DLGAP4: variants seen among roughly 807,000 people sequenced by gnomAD.
DLGAP4 encodes the protein DLG associated protein 4.
A neutral mutation model predicts 86.9 loss-of-function variants in DLGAP4; 18 were observed. The observed-to-expected ratio is 0.21, with a 90% confidence interval of 0.14 to 0.31. The LOEUF (loss-of-function observed/expected upper bound fraction) is 0.31, where lower values mean the gene tolerates loss of function less well. DLGAP4 is among the 10% of genes least tolerant of loss of function. The probability of loss-of-function intolerance (pLI) is 1.00; values close to 1 mark genes in which losing one functional copy is unlikely to be tolerated. For synonymous variants in DLGAP4, 548 were observed against 574.3 expected (o/e 0.95, Z 0.65); for missense variants, 1,085 against 1,362.6 (o/e 0.80, Z 3.21).
intron 2 of DLGAP4, among the ~76,000 whole-genome samples, chr20:36,427,109 G>A (rs545379622): frequency 6.6e-6 from 1 of 152,200 alleles, no homozygotes; most frequent in East Asian, 1.9e-4. Context: ...TTTGAGCCCA[G>A]GAGATCAAAG....
intron 2 of DLGAP4, among the ~76,000 whole-genome samples, chr20:36,396,227 GA>G (rs1268509795): frequency 6.6e-6 from 1 of 151,768 alleles, no homozygotes; most frequent in African/African-American, 2.4e-5. Flanking sequence ...GAAGTGCAGT[GA>G]GTGGGGTTAC....
At chr20:36,452,600 C>T (rs1158594837) in intron 7 of DLGAP4, among the ~76,000 whole-genome samples, 1 of 151,638 alleles carries the variant, frequency 6.6e-6, no homozygotes, top group Non-Finnish European at 1.5e-5. Flanking sequence ...ATCTCCACTT[C>T]CTGAGTTCAA....
Position 36,374,028 on chromosome 20 carries a change from G to A in DLGAP4, c.-73+6753G>A, listed in dbSNP as rs1315793093. On this transcript the variant is annotated intron_variant, in intron 2 of 12. Coordinates refer to ENST00000339266, the MANE Select transcript of DLGAP4 (RefSeq NM_001365621.2). ...CTCCAGCCTGGGTGACAGTGAGACTGTCTCAAAAAAAAAAAAAAAAAGAAA... is the reference window on the plus strand; with the variant it reads ...CTCCAGCCTGGGTGACAGTGAGACTATCTCAAAAAAAAAAAAAAAAAGAAA... 6.4e-5 allele frequency among the ~76,000 whole-genome samples: 5 copies of A among 78,050 alleles called. No individual in the cohort carries two copies. In the South Asian group the frequency reaches 3.1e-3, roughly 48 times the overall value. 51.2% of individuals were successfully genotyped at this position (78,050 alleles called of 152,430 possible). A position where few individuals can be genotyped will look rare whatever the true frequency, so the allele number is the denominator to read the frequency against.
chr20:36,513,421 G>A (rs966008551), intron 10 of DLGAP4, among the ~76,000 whole-genome samples: 14 of 150,628 alleles, frequency 9.3e-5, no homozygotes, highest in African/African-American at 1.5e-4. Flanking sequence ...GGTGGCGGGC[G>A]CCTGTAGTCC....
In DLGAP4 at chr20:36,500,658, C is replaced by T; in HGVS notation, c.2512+47C>T. ...CTTGGGCAAGGGTAGAAGGTGTTGG[C>T]AGCTGGTTTCAGCTGGTGGCCAGCA... On this transcript the variant is annotated intron_variant, in intron 10 of 12. Coordinates refer to ENST00000339266, the MANE Select transcript of DLGAP4 (RefSeq NM_001365621.2). This position sits in a 1 kb window ranked among gnomAD's most constrained non-coding sequence, Gnocchi z 4.6. The T allele has an allele frequency of 2.9e-6, 4 of 1,389,194 alleles. No homozygotes were observed. Among genetic ancestry groups the T allele is most frequent in the Non-Finnish European group, 3.7e-6 (4 of 1,066,678 alleles). The allele number at this position is 1,389,194 out of a possible 1,614,324, so 86.1% of individuals were successfully genotyped here.
Position 36,497,003 on chromosome 20 carries a change from G to C in DLGAP4, c.1947G>C (p.Leu649=), listed in dbSNP as rs749995044. The C allele has an allele frequency of 2.5e-6, 4 of 1,613,980 alleles. No individual in the cohort carries two copies. In the Admixed American group the frequency reaches 6.7e-5, roughly 27 times the overall value. Residue 649 remains leucine (L), a synonymous_variant, in exon 8 of 13, where the codon CTG becomes CTC. Coordinates refer to ENST00000339266, the MANE Select transcript of DLGAP4 (RefSeq NM_001365621.2). ...CTCTGAAAAGTGAACAAGGGACGCTGACCAGCTCTGAGTCCCACCCCGAGG... is the reference window on the plus strand; with the variant it reads ...CTCTGAAAAGTGAACAAGGGACGCTCACCAGCTCTGAGTCCCACCCCGAGG... ...HAALKSEQGT[L]TSSESHPEAA...
chr20:36,315,667 C>T (rs2065092525), intron 1 of DLGAP4, among the ~76,000 whole-genome samples: 1 of 152,092 alleles, frequency 6.6e-6, no homozygotes. Flanking sequence ...AAGAGTGGGG[C>T]TGGGCCTCCC....
intron 2 of DLGAP4, among the ~76,000 whole-genome samples, chr20:36,427,804 G>C (rs569534464): frequency 6.6e-6 from 1 of 152,022 alleles, no homozygotes; most frequent in East Asian, 1.9e-4. Flanking sequence ...TTAGCTGGGC[G>C]TGGTGGTGCG....
intron 7 of DLGAP4, chr20:36,461,821 G>T (rs937699856): frequency 2.1e-6 from 2 of 970,558 alleles, no homozygotes; most frequent in African/African-American, 1.9e-5. Context: ...TCCCCGCTCC[G>T]CCCGCTTTGT....
intron 8 of DLGAP4, chr20:36,497,354 TTGCC>T: frequency 7.8e-7 from 1 of 1,275,004 alleles, no homozygotes; most frequent in African/African-American, 1.5e-5. Flanking sequence ...TGTCCACTGT[TTGCC>T]TGTCCACTGT....
At chr20:36,481,935 T>C (rs2035204375) in intron 7 of DLGAP4, among the ~76,000 whole-genome samples, 1 of 152,154 alleles carries the variant, frequency 6.6e-6, no homozygotes, top group Non-Finnish European at 1.5e-5. Context: ...TCTTGTGTAA[T>C]TGTCTTACTT....
intron 10 of DLGAP4, among the ~76,000 whole-genome samples, chr20:36,514,839 A>G (rs1190220231): frequency 1.3e-5 from 2 of 152,134 alleles, no homozygotes; most frequent in African/African-American, 4.8e-5. Context: ...TCCTTAGGTG[A>G]GAAGGAATCG....
intron 1 of DLGAP4, among the ~76,000 whole-genome samples, chr20:36,349,375 G>A (rs1317705169): frequency 1.3e-5 from 2 of 149,224 alleles, no homozygotes; most frequent in Non-Finnish European, 3.0e-5. Flanking sequence ...CCGAGATCAC[G>A]CCACTGCACT....
At position 36,431,730 on chromosome 20, in the gene DLGAP4, G is replaced by A. The variant is rs779644254; in HGVS notation, c.13G>A (p.Gly5Ser). 25 of 1,596,324 alleles carry A rather than the reference G, an allele frequency of 1.6e-5. No homozygotes were observed. The highest frequency in any genetic ancestry group is 3.3e-4 in the Middle Eastern group (2 of 6,006). MKGL[G>S]DSRPRHLSDS... ...TCGGCCCGGGATCATGAAAGGCCTC[G>A]GTGACAGCCGCCCCCGCCACCTCTC... Residue 5 changes from glycine to serine, a missense_variant, in exon 3 of 13, where the codon GGT becomes AGT. By Grantham distance (56) the Gly-to-Ser change is moderately conservative. Coordinates refer to ENST00000339266, the MANE Select transcript of DLGAP4 (RefSeq NM_001365621.2). The surrounding 1 kb of genome is among the most constrained non-coding windows in gnomAD (Gnocchi z 5.1).
At chr20:36,340,415 G>A (rs1052952025) in intron 1 of DLGAP4, among the ~76,000 whole-genome samples, 4 of 152,208 alleles carry the variant, frequency 2.6e-5, no homozygotes, top group Non-Finnish European at 5.9e-5. Context: ...ACCCGTGCAC[G>A]GGTCTCCAGT....
intron 1 of DLGAP4, among the ~76,000 whole-genome samples, chr20:36,349,845 T>C (rs1458083400): frequency 6.6e-6 from 1 of 152,124 alleles, no homozygotes; most frequent in Non-Finnish European, 1.5e-5. Context: ...ATAATAGCTA[T>C]TTATTGGGAA....
intron 10 of DLGAP4, among the ~76,000 whole-genome samples, chr20:36,518,865 C>A (rs1450283646): frequency 1.3e-5 from 2 of 152,044 alleles, no homozygotes; most frequent in Non-Finnish European, 2.9e-5. Context: ...TGCCTGTAAT[C>A]CCAGCACTTT....
chr20:36,311,645 T>G (rs945912748), intron 1 of DLGAP4, among the ~76,000 whole-genome samples: 18 of 152,208 alleles, frequency 1.2e-4, no homozygotes, highest in Non-Finnish European at 5.9e-5. Context: ...CCTCTGTTAG[T>G]GAGCACCGAT....
At chr20:36,499,164 C>A in intron 8 of DLGAP4, 1 of 1,381,730 alleles carries the variant, frequency 7.2e-7, no homozygotes, top group Non-Finnish European at 1.0e-6. Flanking sequence ...CAGATAACGG[C>A]TGTGGCTTTG....
Sources: allele counts gnomAD v4.1 joint callset (sites outside exome capture counted in the v4.1 genomes callset), GRCh38; gene constraint gnomAD v4.1.1; non-coding constraint Gnocchi (gnomAD v3.1); transcripts MANE v1.5; gene names NCBI Gene and HGNC (gene_info 2026-07-23, HGNC 2026-07-21).